MICU1: variants seen among roughly 807,000 people sequenced by gnomAD.
MICU1 encodes calcium uptake protein 1, mitochondrial.
Under a neutral mutation model 56.8 loss-of-function variants are expected in MICU1, and 45 were observed. The ratio of observed to expected loss-of-function variants is 0.79; its 90% CI spans 0.62 to 1.02. The LOEUF (loss-of-function observed/expected upper bound fraction) is 1.02, where lower values mean the gene tolerates loss of function less well. Among genes scored for constraint, MICU1 ranks in the 50% least tolerant of loss-of-function variants. The pLI, the probability that MICU1 is intolerant of heterozygous loss-of-function variation, is 0.00. For missense variants in MICU1, 504 were observed against 587.1 expected (o/e 0.86, Z 1.46); for synonymous variants, 186 against 195.1 (o/e 0.95, Z 0.39).
intron 9 of MICU1, among the ~76,000 whole-genome samples, chr10:72,412,359 T>G (rs1863843352): frequency 6.6e-6 from 1 of 152,236 alleles, no homozygotes; most frequent in South Asian, 2.1e-4. Context: ...GAGGAGTTAC[T>G]GTGACTAATT....
chr10:72,509,335 G>A (rs1564909863), intron 5 of MICU1: 1 of 1,298,552 alleles, frequency 7.7e-7, no homozygotes, highest in East Asian at 4.9e-5. Flanking sequence ...GGAGTATGAT[G>A]AAAACTAAAC....
intron 1 of MICU1, among the ~76,000 whole-genome samples, chr10:72,609,665 C>T (rs1230449078): frequency 5.4e-5 from 8 of 149,250 alleles, no homozygotes; most frequent in South Asian, 2.1e-4. Context: ...ACCCAGAAGG[C>T]GGAGCTTGTA....
At chr10:72,540,750 C>A (rs2132423980) in intron 4 of MICU1, among the ~76,000 whole-genome samples, 2 of 152,290 alleles carry the variant, frequency 1.3e-5, no homozygotes, top group African/African-American at 4.8e-5. Flanking sequence ...TCCCACTGAC[C>A]TCTATGGAAA....
intron 5 of MICU1, among the ~76,000 whole-genome samples, chr10:72,525,629 G>T (rs534929397): frequency 1.3e-5 from 2 of 152,128 alleles, no homozygotes; most frequent in East Asian, 3.8e-4. Flanking sequence ...GAACAATTAC[G>T]CAGAGGGTAT....
intron 5 of MICU1, among the ~76,000 whole-genome samples, chr10:72,526,321 G>C (rs777352326): frequency 6.6e-6 from 1 of 151,746 alleles, no homozygotes; most frequent in Non-Finnish European, 1.5e-5. Context: ...TTTTAAGACA[G>C]AGTCTCACTC....
intron 1 of MICU1, among the ~76,000 whole-genome samples, chr10:72,589,406 TGGAGGG>T (rs1564950254): frequency 6.6e-6 from 1 of 152,068 alleles, no homozygotes; most frequent in East Asian, 1.9e-4. Context: ...AAGACTCAAA[TGGAGGG>T]TACATTTTAC....
intron 5 of MICU1, among the ~76,000 whole-genome samples, chr10:72,511,609 T>C (rs1379102322): frequency 6.6e-6 from 1 of 152,210 alleles, no homozygotes; most frequent in African/African-American, 2.4e-5. Context: ...TTTCATGAGA[T>C]AAGTTAAAAA....
chr10:72,411,698 A>C (rs1407999448), intron 9 of MICU1, among the ~76,000 whole-genome samples: 1 of 152,166 alleles, frequency 6.6e-6, no homozygotes, highest in Non-Finnish European at 1.5e-5. Flanking sequence ...TAAAAGGTTA[A>C]CATAAAATTC....
intron 10 of MICU1, among the ~76,000 whole-genome samples, chr10:72,407,351 A>G (rs955495940): frequency 2.6e-5 from 4 of 152,212 alleles, no homozygotes; most frequent in African/African-American, 4.8e-5. Context: ...TGTTATTTAA[A>G]TAATTATTTC....
intron 1 of MICU1, among the ~76,000 whole-genome samples, chr10:72,603,815 C>G: frequency 6.6e-6 from 1 of 151,974 alleles, no homozygotes; most frequent in South Asian, 2.1e-4. Context: ...AAAAACAAAA[C>G]AAAACAAACA....
intron 5 of MICU1, chr10:72,524,010 T>C: frequency 8.0e-7 from 1 of 1,257,528 alleles, no homozygotes; most frequent in Non-Finnish European, 1.0e-6. Context: ...CTTATTTGTA[T>C]TTATTATGTA....
chr10:72,369,604 G>A (rs1002576909), intron 11 of MICU1, among the ~76,000 whole-genome samples: 1 of 152,098 alleles, frequency 6.6e-6, no homozygotes, highest in African/African-American at 2.4e-5. Context: ...ATCAAACTTT[G>A]GCTTTGGATT....
At chr10:72,420,059 G>A (rs1463632678) in intron 9 of MICU1, among the ~76,000 whole-genome samples, 3 of 151,980 alleles carry the variant, frequency 2.0e-5, no homozygotes, top group African/African-American at 7.2e-5. Flanking sequence ...CGTAAGACGT[G>A]TCTTTTCCTT....
chr10:72,408,078 C>T lies in MICU1; in HGVS notation c.1072-41G>A. 2.3e-6 allele frequency: 3 copies of T among 1,310,390 alleles called. No individual in the cohort carries two copies. The South Asian group carries it at 3.7e-5, about 16-fold the overall frequency. The allele number at this position is 1,310,390 out of a possible 1,614,324, so 81.2% of individuals were successfully genotyped here. A position where few individuals can be genotyped will look rare whatever the true frequency, so the allele number is the denominator to read the frequency against. ...CAGCAAGGTAAGGCAGGACCTGTAA[C>T]AAAAAGCAGCACGATATGCATAGGC... is the stretch of plus-strand genomic sequence containing the variant. On this transcript the variant is annotated intron_variant, in intron 9 of 11. Transcript: ENST00000361114.
intron 4 of MICU1, among the ~76,000 whole-genome samples, chr10:72,543,543 T>C (rs1205997601): frequency 6.6e-6 from 1 of 151,842 alleles, no homozygotes; most frequent in Non-Finnish European, 1.5e-5. Context: ...AATAAAGTAC[T>C]GTATGTAAGA....
chr10:72,479,531 T>C (rs1302751642), intron 6 of MICU1, among the ~76,000 whole-genome samples: 2 of 152,152 alleles, frequency 1.3e-5, no homozygotes, highest in Non-Finnish European at 2.9e-5. Context: ...AGGTTTGTCA[T>C]GTGTTTTTGT....
At chr10:72,492,379 T>C (rs1338275800) in intron 6 of MICU1, among the ~76,000 whole-genome samples, 1 of 152,124 alleles carries the variant, frequency 6.6e-6, no homozygotes, top group East Asian at 1.9e-4. Context: ...GTAGCGAGTG[T>C]AGTGAAAAAT....
At chr10:72,586,361 T>C (rs1841059368) in intron 1 of MICU1, among the ~76,000 whole-genome samples, 1 of 151,910 alleles carries the variant, frequency 6.6e-6, no homozygotes, top group African/African-American at 2.4e-5. Context: ...AAAGAACCCA[T>C]GGATAAAGGC....
At chr10:72,532,833 C>T (rs1219728423) in intron 5 of MICU1, 2 of 984,560 alleles carry the variant, frequency 2.0e-6, no homozygotes, top group Non-Finnish European at 2.4e-6. Context: ...CTTAAGGCAG[C>T]TACTCATTCT....
Sources: gnomAD v4.1 joint callset for allele counts (sites outside exome capture counted in the v4.1 genomes callset) on GRCh38, gnomAD v4.1.1 for gene constraint, MANE v1.5 for transcripts, NCBI Gene and HGNC (gene_info 2026-07-23, HGNC 2026-07-21) for gene names.